Variants in TAS2R10 observed in about 807,000 individuals in gnomAD.
The protein encoded by TAS2R10 is taste receptor type 2 member 10.
For missense variants in TAS2R10, 385 were observed against 362.0 expected, an observed-to-expected ratio of 1.06 and a Z score of -0.52; for synonymous variants, 144 against 126.6, an observed-to-expected ratio of 1.14 and a Z score of -0.92.
exon 1 of TAS2R10, chr12:10,825,386 A>C: frequency 6.2e-7 from 1 of 1,612,396 alleles, no homozygotes; most frequent in Non-Finnish European, 8.5e-7. Context: ...ACAGCACTTC[A>C]ATTGCTGCAG....
chr12:10,825,825 T>A, the TAS2R10 span: 1 of 1,612,742 alleles, frequency 6.2e-7, no homozygotes, highest in Non-Finnish European at 8.5e-7. Flanking sequence ...TTAAGAATCT[T>A]CGCAATGTAT....
exon 1 of TAS2R10, chr12:10,825,973 G>T: frequency 6.2e-7 from 1 of 1,613,598 alleles, no homozygotes; most frequent in South Asian, 1.1e-5. Flanking sequence ...TGAGGCTGGT[G>T]GCAAACCACA....
exon 1 of TAS2R10, chr12:10,825,335 T>TC: frequency 6.3e-7 from 1 of 1,588,020 alleles, no homozygotes; most frequent in Non-Finnish European, 8.6e-7. Flanking sequence ...ATCCATCTCT[T>TC]CCCAAGGTGT....
exon 1 of TAS2R10, chr12:10,825,998 C>G: frequency 2.5e-6 from 4 of 1,613,538 alleles, no homozygotes; most frequent in Non-Finnish European, 3.4e-6. Flanking sequence ...TGATTGATTA[C>G]CAATTACCCA....
rs1273646784 is a variant in TAS2R10 at position 10,826,305 on chromosome 12, A to G, written c.-36T>C. The G allele has an allele frequency of 6.9e-7, 1 of 1,440,742 alleles. No individual in the cohort carries two copies. Among genetic ancestry groups the G allele is most frequent in the Non-Finnish European group, 9.5e-7 (1 of 1,054,314 alleles). 89.2% of individuals were successfully genotyped at this position (1,440,742 alleles called of 1,614,324 possible). A position where few individuals can be genotyped will look rare whatever the true frequency, so the allele number is the denominator to read the frequency against. On this transcript the variant is annotated 5_prime_UTR_variant, in exon 1 of 1. It removes the in-frame stop codon of an upstream open reading frame in the 5' UTR. Coordinates refer to ENST00000240619, the Ensembl canonical transcript of TAS2R10. ...TCTTAATATTGCTTCTGTTACATCT[A>G]TCTTAGATTACCTGCTGCAGAATGA... is the stretch of plus-strand genomic sequence containing the variant.
chr12:10,826,250 C>A (rs1392609087), exon 1 of TAS2R10: 3 of 1,609,086 alleles, frequency 1.9e-6, no homozygotes, highest in Non-Finnish European at 2.5e-6. Flanking sequence ...AATGAAGATG[C>A]CTTCCACTAC....
chr12:10,825,689 AT>A, the TAS2R10 span: 1,189 of 1,613,688 alleles, frequency 7.4e-4, 16 homozygotes, highest in East Asian at 0.025. Flanking sequence ...GATTAAAAAA[AT>A]ACATGTAATT....
exon 1 of TAS2R10, chr12:10,826,261 A>G: frequency 6.2e-7 from 1 of 1,603,400 alleles, no homozygotes; most frequent in South Asian, 1.1e-5. Context: ...CTTCCACTAC[A>G]CGTAGCATAT....
At chr12:10,826,292 T>C (rs1948866868) in exon 1 of TAS2R10, 5 of 1,516,510 alleles carry the variant, frequency 3.3e-6, no homozygotes, top group Non-Finnish European at 4.5e-6. Flanking sequence ...TTAATATTGC[T>C]TCTGTTACAT....
exon 1 of TAS2R10, chr12:10,826,285 A>T (rs1948866805): frequency 6.4e-7 from 1 of 1,554,750 alleles, no homozygotes; most frequent in South Asian, 1.2e-5. Flanking sequence ...CTAATTCTTA[A>T]TATTGCTTCT....
chr12:10,826,039 G>T, exon 1 of TAS2R10: 2 of 1,613,082 alleles, frequency 1.2e-6, no homozygotes, highest in Non-Finnish European at 1.7e-6. Flanking sequence ...TTAGGTTACC[G>T]GAGGCATATA....
exon 1 of TAS2R10, chr12:10,826,356 G>T: frequency 1.1e-6 from 1 of 930,490 alleles, no homozygotes; most frequent in Non-Finnish European, 1.6e-6. Context: ...CTCGACGGAA[G>T]TGTGACTTTC....
chr12:10,825,421 C>T lies in TAS2R10; in HGVS notation c.849G>A (p.Lys283=), dbSNP rs779513795. 10 of 1,613,578 alleles carry T rather than the reference C, an allele frequency of 6.2e-6. No homozygotes were observed. In the Admixed American group the frequency reaches 1.7e-4, roughly 27 times the overall value. The change falls in exon 1 of 1, where the codon AAG becomes AAA. Residue 283 remains lysine (K), a synonymous_variant. Transcript: ENST00000240619. The stretch of plus-strand genomic sequence containing the variant: ...GTACCCTCAAAGAGGCTTGCTTTAG[C>T]TTGCTGTTTCCTAGAATTAAGATAA...
At chr12:10,826,116 T>G (rs1181996165) in exon 1 of TAS2R10, 8 of 1,613,472 alleles carry the variant, frequency 5.0e-6, no homozygotes, top group Non-Finnish European at 6.8e-6. Context: ...ATTCTTGAAA[T>G]AGCTAAGCCG....
chr12:10,825,791 G>A (rs1409776155), exon 1 of TAS2R10: 4 of 1,612,870 alleles, frequency 2.5e-6, no homozygotes, highest in Middle Eastern at 3.3e-4. Flanking sequence ...ATCCCAGACT[G>A]TGTCATTCTT....
exon 1 of TAS2R10, chr12:10,826,331 G>C: frequency 8.5e-7 from 1 of 1,182,246 alleles, no homozygotes; most frequent in Non-Finnish European, 1.2e-6. Context: ...TGCAGAATGA[G>C]GCATATATTG....
At chr12:10,825,774 T>A (rs918900298) in exon 1 of TAS2R10, 3 of 1,613,428 alleles carry the variant, frequency 1.9e-6, no homozygotes, top group Non-Finnish European at 2.5e-6. Flanking sequence ...CTTTTATACA[T>A]GTTGAGATCC....
In TAS2R10 at chr12:10,826,302, T is replaced by C. The variant is rs764212865; in HGVS notation, c.-33A>G. ...AATTCTTAATATTGCTTCTGTTACA[T>C]CTATCTTAGATTACCTGCTGCAGAA... On this transcript the variant is annotated 5_prime_UTR_variant, in exon 1 of 1. An upstream start codon of the reference 5' UTR is lost. Coordinates refer to ENST00000240619, the Ensembl canonical transcript of TAS2R10. The C allele has an allele frequency of 6.8e-7, 1 of 1,475,502 alleles. No homozygotes were observed. Among genetic ancestry groups the C allele is most frequent in the South Asian group, 1.2e-5 (1 of 80,106 alleles). 91.4% of individuals were successfully genotyped at this position (1,475,502 alleles called of 1,614,324 possible). A position where few individuals can be genotyped will look rare whatever the true frequency, so the allele number is the denominator to read the frequency against.
At chr12:10,825,528 A>G in exon 1 of TAS2R10, 2 of 1,613,756 alleles carry the variant, frequency 1.2e-6, no homozygotes, top group Non-Finnish European at 1.7e-6. Flanking sequence ...GTAAAACATG[A>G]TATTTCTATG....
Sources: allele counts gnomAD v4.1 joint callset, GRCh38; gene constraint gnomAD v4.1.1; transcripts MANE v1.5; gene names NCBI Gene and HGNC (gene_info 2026-07-23, HGNC 2026-07-21).